GLI3: variants seen among roughly 807,000 people sequenced by gnomAD.
GLI3 encodes the protein transcription activator GLI3.
In GLI3, 20 loss-of-function variants were observed where a neutral mutation model predicts 100.8. The observed-to-expected ratio is 0.20, with a 90% CI of 0.14 to 0.29. The LOEUF is 0.29. Among genes scored for constraint, GLI3 ranks in the 10% least tolerant of loss-of-function variants. GLI3 has a pLI of 1.00. For missense variants in GLI3, 2,040 were observed against 2,128.5 expected (o/e 0.96, Z 0.82); for synonymous variants, 938 against 860.5 (o/e 1.09, Z -1.58).
At chr7:41,968,763 G>GAAAGAAGGAAAGAAAGAAA (rs1491137662) in intron 13 of GLI3, among the ~76,000 whole-genome samples, 3 of 56,690 alleles carry the variant, frequency 5.3e-5, no homozygotes, top group African/African-American at 2.4e-4. Flanking sequence ...AAAGAAAGAA[G>GAAAGAAGGAAAGAAAGAAA]GAAAGAAAGA....
intron 2 of GLI3, among the ~76,000 whole-genome samples, chr7:42,200,768 A>G (rs935430235): frequency 6.6e-6 from 1 of 151,858 alleles, no homozygotes; most frequent in Non-Finnish European, 1.5e-5. Flanking sequence ...TGGGCAAATC[A>G]TGAGACAGAA....
intron 5 of GLI3, 143 bp from the exon 6 acceptor site, chr7:42,045,673 T>C (rs1193199015): frequency 5.5e-6 from 4 of 732,242 alleles, no homozygotes; most frequent in Non-Finnish European, 7.2e-6. Flanking sequence ...TTAACTCAAA[T>C]TGTGCTCTTA....
At chr7:42,153,429 G>C (rs988825960) in intron 2 of GLI3, among the ~76,000 whole-genome samples, 2 of 152,162 alleles carry the variant, frequency 1.3e-5, no homozygotes, top group Admixed American at 1.3e-4. Flanking sequence ...AAGCATTCTA[G>C]GACTCTAAAT....
At chr7:42,178,908 T>G (rs1293251222) in intron 2 of GLI3, among the ~76,000 whole-genome samples, 1 of 151,384 alleles carries the variant, frequency 6.6e-6, no homozygotes, top group African/African-American at 2.4e-5. Context: ...CATGAGCGAG[T>G]CAGGAGAACA....
At chr7:42,230,956 C>T (rs61268047) in intron 1 of GLI3, among the ~76,000 whole-genome samples, 5,065 of 152,272 alleles carry the variant, frequency 0.033, 265 homozygotes, top group African/African-American at 0.12. Context: ...CTTAAATCCA[C>T]ATATATCACA....
intron 3 of GLI3, among the ~76,000 whole-genome samples, chr7:42,143,197 G>C (rs753232374): frequency 2.6e-5 from 4 of 152,126 alleles, no homozygotes; most frequent in Non-Finnish European, 5.9e-5. Flanking sequence ...AAGCCCCCAG[G>C]GTGTGACCCA....
intron 6 of GLI3, among the ~76,000 whole-genome samples, chr7:42,043,000 C>G (rs1784175596): frequency 6.6e-6 from 1 of 152,144 alleles, no homozygotes; most frequent in Non-Finnish European, 1.5e-5. Context: ...TTGCTGAAAC[C>G]TAGACGTGCC....
intron 5 of GLI3, among the ~76,000 whole-genome samples, chr7:42,046,963 A>G (rs746202016): frequency 1.6e-4 from 24 of 152,112 alleles, no homozygotes; most frequent in Admixed American, 7.9e-4. Context: ...TGAGACCAGC[A>G]TGGGCAACAT....
At chr7:42,227,499 G>A (rs1225361377) in intron 1 of GLI3, among the ~76,000 whole-genome samples, 3 of 151,942 alleles carry the variant, frequency 2.0e-5, no homozygotes, top group Admixed American at 6.6e-5. Flanking sequence ...CCTAAACCCA[G>A]GGCACAATTA....
intron 2 of GLI3, among the ~76,000 whole-genome samples, chr7:42,158,843 C>T (rs907429357): frequency 1.3e-5 from 2 of 152,076 alleles, no homozygotes; most frequent in African/African-American, 2.4e-5. Flanking sequence ...CTCTAAAGGC[C>T]GTCAGGAAGA....
chr7:42,084,994 C>T (rs749743014), intron 3 of GLI3, among the ~76,000 whole-genome samples: 14 of 146,860 alleles, frequency 9.5e-5, no homozygotes, highest in Non-Finnish European at 1.6e-4. Context: ...TCACTGCAAC[C>T]TCCACCTCCC....
chr7:42,133,956 C>T (rs1298539560), intron 3 of GLI3, among the ~76,000 whole-genome samples: 1 of 151,802 alleles, frequency 6.6e-6, no homozygotes, highest in Non-Finnish European at 1.5e-5. Flanking sequence ...TGTCGCGTGC[C>T]CATAATCCCA....
At chr7:42,222,905 C>T in intron 2 of GLI3, 3 of 531,474 alleles carry the variant, frequency 5.6e-6, no homozygotes, top group East Asian at 3.5e-5. Flanking sequence ...ATCACATTTA[C>T]ATCTCAAATT....
rs534155166 is a variant in GLI3, at chr7:42,162,493, A to G, written c.125-14025T>C. On this transcript the variant is annotated intron_variant, in intron 2 of 14. Coordinates refer to ENST00000395925, the MANE Select transcript of GLI3 (RefSeq NM_000168.6). ...GAAAAACTTTAAGAGAAATAATAAT[A>G]GATTTCGCACTGCACTGCTGCCAAG... 1.8e-4 allele frequency among the ~76,000 whole-genome samples: 27 copies of G among 152,354 alleles called. 1 individual carries two copies. The South Asian group carries it at 5.2e-3, about 29-fold the overall frequency.
intron 4 of GLI3, among the ~76,000 whole-genome samples, chr7:42,055,388 T>C (rs1784438806): frequency 6.6e-6 from 1 of 152,092 alleles, no homozygotes; most frequent in African/African-American, 2.4e-5. Context: ...CTTTAAGGTC[T>C]GAATCAGCTG....
chr7:42,151,251 C>T (rs918472485), intron 2 of GLI3: 5 of 152,124 alleles, frequency 3.3e-5, no homozygotes, highest in African/African-American at 9.7e-5. Flanking sequence ...TACCAAGTTG[C>T]TTTTGACGGG....
intron 3 of GLI3, among the ~76,000 whole-genome samples, chr7:42,121,683 A>G (rs2128771619): frequency 6.6e-6 from 1 of 152,072 alleles, no homozygotes; most frequent in East Asian, 1.9e-4. Context: ...TCCAGTTTGT[A>G]TGTCTGCTCT....
chr7:42,144,217 A>G (rs1378138046), intron 3 of GLI3, among the ~76,000 whole-genome samples: 1 of 152,214 alleles, frequency 6.6e-6, no homozygotes, highest in Non-Finnish European at 1.5e-5. Flanking sequence ...CAGACAGAGC[A>G]TGGGCAGAAG....
At chr7:42,007,958 C>A (rs1788503599) in intron 10 of GLI3, among the ~76,000 whole-genome samples, 1 of 152,136 alleles carries the variant, frequency 6.6e-6, no homozygotes, top group African/African-American at 2.4e-5. Context: ...GGAAAAACTG[C>A]TGGAGTGTTA....
Sources: allele counts gnomAD v4.1 joint callset (sites outside exome capture counted in the v4.1 genomes callset), GRCh38; gene constraint gnomAD v4.1.1; transcripts MANE v1.5; gene names NCBI Gene and HGNC (gene_info 2026-07-23, HGNC 2026-07-21).